SKIC3: variants seen among roughly 807,000 people sequenced by gnomAD.
The protein encoded by SKIC3 is superkiller complex protein 3.
the SKIC3 span, among the ~76,000 whole-genome samples, chr5:95,530,836 T>C: frequency 6.6e-6 from 1 of 152,222 alleles, no homozygotes; most frequent in African/African-American, 2.4e-5. Flanking sequence ...TATTTTCAAA[T>C]TTATTTTGGT....
chr5:95,526,476 T>G, the SKIC3 span, among the ~76,000 whole-genome samples: 1 of 151,844 alleles, frequency 6.6e-6, no homozygotes, highest in East Asian at 1.9e-4. Context: ...TGTCTTTTTT[T>G]TTTTGTTTTT....
the SKIC3 span, among the ~76,000 whole-genome samples, chr5:95,465,859 T>C: frequency 6.6e-6 from 1 of 152,324 alleles, no homozygotes; most frequent in East Asian, 1.9e-4. Flanking sequence ...ACTATACGAA[T>C]ATCTTTGAAA....
the SKIC3 span, chr5:95,512,513 T>C: frequency 2.0e-5 from 33 of 1,613,914 alleles, no homozygotes; most frequent in African/African-American, 4.0e-5. Context: ...GCTGCTGGAA[T>C]AGCATTCATC....
At chr5:95,547,982 T>C in the SKIC3 span, among the ~76,000 whole-genome samples, 2 of 152,228 alleles carry the variant, frequency 1.3e-5, no homozygotes, top group East Asian at 1.9e-4. Context: ...AAGGGTTGTA[T>C]ACTAATTTCA....
chr5:95,546,985 A>T, the SKIC3 span: 1 of 1,436,270 alleles, frequency 7.0e-7, no homozygotes, highest in Non-Finnish European at 9.8e-7. Context: ...ACAGGAAATA[A>T]TTCACATATT....
the SKIC3 span, chr5:95,498,398 G>T: frequency 6.2e-7 from 1 of 1,614,134 alleles, no homozygotes; most frequent in Non-Finnish European, 8.5e-7. Context: ...ATTTGTTTTT[G>T]CACAGCCACA....
the SKIC3 span, among the ~76,000 whole-genome samples, chr5:95,552,443 A>G: frequency 6.6e-6 from 1 of 152,206 alleles, no homozygotes; most frequent in Non-Finnish European, 1.5e-5. Flanking sequence ...CTTCTTATAT[A>G]CCCAACACTT....
chr5:95,482,474 T>C, the SKIC3 span: 87 of 1,613,832 alleles, frequency 5.4e-5, no homozygotes, highest in Admixed American at 1.8e-4. Context: ...AAAACTTACC[T>C]GCCAAGCTGG....
At chr5:95,530,322 T>C in the SKIC3 span, 2 of 1,393,314 alleles carry the variant, frequency 1.4e-6, no homozygotes, top group Non-Finnish European at 2.0e-6. Context: ...GCCTTTATAT[T>C]CTTATGCATT....
the SKIC3 span, among the ~76,000 whole-genome samples, chr5:95,483,776 G>C: frequency 6.6e-6 from 1 of 151,994 alleles, no homozygotes; most frequent in Non-Finnish European, 1.5e-5. Context: ...AATATTTATT[G>C]AGCCCCTACT....
chr5:95,503,696 G>A, the SKIC3 span: 1 of 1,462,974 alleles, frequency 6.8e-7, no homozygotes, highest in Non-Finnish European at 9.5e-7. Context: ...CTCCTAGTCA[G>A]ATTTTAATAA....
the SKIC3 span, chr5:95,522,348 C>A: frequency 6.2e-7 from 1 of 1,605,140 alleles, no homozygotes; most frequent in Non-Finnish European, 8.5e-7. Flanking sequence ...AAGTATGGAA[C>A]TATCTCCAAA....
the SKIC3 span, chr5:95,543,355 G>T: frequency 3.1e-6 from 5 of 1,611,924 alleles, no homozygotes; most frequent in Non-Finnish European, 4.2e-6. Flanking sequence ...AAAAGAGTAG[G>T]TTAGTAAATT....
the SKIC3 span, among the ~76,000 whole-genome samples, chr5:95,522,564 T>G: frequency 6.6e-6 from 1 of 152,126 alleles, no homozygotes; most frequent in Non-Finnish European, 1.5e-5. Flanking sequence ...TTGATTATCT[T>G]GAAGAACTCG....
the SKIC3 span, chr5:95,543,135 CA>C: frequency 6.4e-5 from 101 of 1,577,528 alleles, no homozygotes; most frequent in Admixed American, 1.9e-4. Flanking sequence ...TTGAAAAATG[CA>C]AAAAAAAATC....
the SKIC3 span, chr5:95,543,418 C>G: frequency 4.3e-6 from 6 of 1,402,940 alleles, no homozygotes; most frequent in Non-Finnish European, 6.0e-6. Context: ...GTCAGGAAAT[C>G]TATATCTACC....
chr5:95,514,928 G>T, the SKIC3 span: 1 of 1,611,250 alleles, frequency 6.2e-7, no homozygotes, highest in South Asian at 1.1e-5. Flanking sequence ...AGCTTGCTAG[G>T]AAAAAAAGGC....
the SKIC3 span, among the ~76,000 whole-genome samples, chr5:95,533,923 C>G: frequency 6.6e-6 from 1 of 152,072 alleles, no homozygotes; most frequent in African/African-American, 2.4e-5. Context: ...AGCATTCTGT[C>G]AGTCCTCAAA....
At chr5:95,492,518 TC>T in the SKIC3 span, among the ~76,000 whole-genome samples, 6 of 143,060 alleles carry the variant, frequency 4.2e-5, no homozygotes, top group African/African-American at 1.5e-4. Context: ...GCGCCTGTAG[TC>T]CCAGCTACTT....
Sources: gnomAD v4.1 joint callset for allele counts (sites outside exome capture counted in the v4.1 genomes callset) on GRCh38, gnomAD v4.1.1 for gene constraint, MANE v1.5 for transcripts, NCBI Gene and HGNC (gene_info 2026-07-23, HGNC 2026-07-21) for gene names.